Variants in MAN1A1 observed in about 807,000 individuals in gnomAD.
MAN1A1 encodes mannosyl-oligosaccharide 1,2-alpha-mannosidase IA.
A neutral mutation model predicts 70.8 loss-of-function variants in MAN1A1; 29 were observed. The ratio of observed to expected loss-of-function variants is 0.41; its 90% CI spans 0.31 to 0.56. The LOEUF (loss-of-function observed/expected upper bound fraction) is 0.56. Among genes scored for constraint, MAN1A1 ranks in the 20% least tolerant of loss-of-function variants. MAN1A1 has a pLI of 0.29. For synonymous variants in MAN1A1, 349 were observed against 330.1 expected, an observed-to-expected ratio of 1.06 and a Z score of -0.62; for missense variants, 747 against 841.3, an observed-to-expected ratio of 0.89 and a Z score of 1.39.
intron 6 of MAN1A1, among the ~76,000 whole-genome samples, chr6:119,237,291 A>G (rs1774872071): frequency 6.6e-6 from 1 of 152,202 alleles, no homozygotes; most frequent in Admixed American, 6.5e-5. Flanking sequence ...AAAATGCCAT[A>G]AAAGAGTATC....
chr6:119,230,895 C>T (rs1453383811), intron 6 of MAN1A1, among the ~76,000 whole-genome samples: 2 of 152,132 alleles, frequency 1.3e-5, no homozygotes, highest in Non-Finnish European at 2.9e-5. Flanking sequence ...ATAGCTTATA[C>T]TGGCAATGGG....
intron 5 of MAN1A1, among the ~76,000 whole-genome samples, chr6:119,270,082 T>C (rs1021389597): frequency 1.3e-5 from 2 of 152,226 alleles, no homozygotes; most frequent in African/African-American, 2.4e-5. Flanking sequence ...CCTGAGTCCT[T>C]TGACCTTACT....
chr6:119,187,020 G>A (rs144259182), intron 11 of MAN1A1, among the ~76,000 whole-genome samples: 1 of 152,244 alleles, frequency 6.6e-6, no homozygotes, highest in Non-Finnish European at 1.5e-5. Flanking sequence ...CCAACCTTAT[G>A]ATCTCATAAA....
At chr6:119,271,730 C>T (rs929217880) in intron 5 of MAN1A1, among the ~76,000 whole-genome samples, 3 of 152,108 alleles carry the variant, frequency 2.0e-5, no homozygotes, top group Admixed American at 2.0e-4. Flanking sequence ...TTTCCAACTC[C>T]TGACCTCAGG....
At chr6:119,275,466 C>A (rs919304959) in intron 5 of MAN1A1, among the ~76,000 whole-genome samples, 11 of 147,610 alleles carry the variant, frequency 7.5e-5, no homozygotes, top group Non-Finnish European at 1.5e-4. Flanking sequence ...GCCACTACGC[C>A]CGGCTAATTT....
At chr6:119,282,933 T>C (rs1353452677) in intron 5 of MAN1A1, among the ~76,000 whole-genome samples, 3 of 152,198 alleles carry the variant, frequency 2.0e-5, no homozygotes, top group Non-Finnish European at 2.9e-5. Context: ...TAATTTCTTC[T>C]TAGGTTTATA....
At chr6:119,348,356 A>G (rs1177551222) in intron 2 of MAN1A1, 107 bp downstream of exon 2, 8 of 1,142,210 alleles carry the variant, frequency 7.0e-6, no homozygotes, top group Non-Finnish European at 9.7e-6. Context: ...GCAAACCTCC[A>G]TCTCCCCATA....
chr6:119,249,336 G>A (rs1305444958), intron 5 of MAN1A1, among the ~76,000 whole-genome samples: 3 of 152,182 alleles, frequency 2.0e-5, no homozygotes, highest in Non-Finnish European at 2.9e-5. Context: ...AATAATGAAA[G>A]TCTAGTGTGC....
rs180678127 is a variant in MAN1A1 at position 119,264,878 on chromosome 6, C to A, written c.898-16524G>T. On this transcript the variant is annotated intron_variant, in intron 5 of 12. Coordinates refer to ENST00000368468, the MANE Select transcript of MAN1A1 (RefSeq NM_005907.4). The stretch of plus-strand genomic sequence containing the variant: ...TTGTGGTAGTTTATGGGTAAAATAC[C>A]CTGTTTTAGCATAGGACTGGTGATA... Among the ~76,000 whole-genome samples, 7 of 151,998 alleles carry A rather than the reference C, an allele frequency of 4.6e-5. No individual in the cohort carries two copies. In the East Asian group the frequency reaches 1.2e-3, roughly 25 times the overall value.
At chr6:119,278,800 A>G (rs1776149256) in intron 5 of MAN1A1, among the ~76,000 whole-genome samples, 1 of 151,954 alleles carries the variant, frequency 6.6e-6, no homozygotes, top group Non-Finnish European at 1.5e-5. Context: ...GGTTGTTTAG[A>G]GTATGGCACC....
intron 2 of MAN1A1, among the ~76,000 whole-genome samples, chr6:119,309,505 A>G (rs996701297): frequency 1.3e-5 from 2 of 152,182 alleles, no homozygotes; most frequent in African/African-American, 4.8e-5. Flanking sequence ...AACTACTAAC[A>G]AGGACAGAAT....
chr6:119,239,080 C>T (rs542441588), intron 6 of MAN1A1, among the ~76,000 whole-genome samples: 2 of 151,906 alleles, frequency 1.3e-5, no homozygotes, highest in African/African-American at 2.4e-5. Context: ...TTAGTAGAGA[C>T]GGGGTTTCAC....
upstream of MAN1A1, chr6:119,349,780 G>A (rs1773854182): frequency 5.1e-6 from 5 of 983,464 alleles, no homozygotes; most frequent in South Asian, 9.4e-5. Context: ...TGCCGGTCTT[G>A]GGGCGGTGGA....
At chr6:119,217,489 C>G (rs1774240413) in intron 6 of MAN1A1, among the ~76,000 whole-genome samples, 1 of 152,172 alleles carries the variant, frequency 6.6e-6, no homozygotes, top group African/African-American at 2.4e-5. Flanking sequence ...ACCATGTTGG[C>G]CAGGATGGTC....
At chr6:119,188,262 GAA>G (rs1373520017) in intron 11 of MAN1A1, 141 bp downstream of exon 11, 1 of 668,856 alleles carries the variant, frequency 1.5e-6, no homozygotes, top group Admixed American at 3.2e-5. Flanking sequence ...TGACTTCAAT[GAA>G]AATACACAGT....
At chr6:119,180,004 A>G in intron 12 of MAN1A1, 59 bp from the exon 13 acceptor site, 1 of 1,561,068 alleles carries the variant, frequency 6.4e-7, no homozygotes, top group Non-Finnish European at 8.8e-7. Context: ...GTGAAACCAC[A>G]AACACACAGC....
intron 11 of MAN1A1, among the ~76,000 whole-genome samples, chr6:119,184,707 CA>C (rs144225509): frequency 5.4e-5 from 8 of 149,130 alleles, no homozygotes; most frequent in South Asian, 4.3e-4. Context: ...CTGAAACTAC[CA>C]AAAAAAAACC....
chr6:119,230,422 C>T (rs1210637495), intron 6 of MAN1A1, among the ~76,000 whole-genome samples: 4 of 152,222 alleles, frequency 2.6e-5, no homozygotes, highest in Non-Finnish European at 4.4e-5. Context: ...CTGCTGCTCT[C>T]TGCCCCAGGG....
intron 5 of MAN1A1, among the ~76,000 whole-genome samples, chr6:119,257,257 T>TGA (rs146786469): frequency 2.0e-5 from 3 of 152,042 alleles, no homozygotes; most frequent in Admixed American, 1.3e-4. Context: ...TAGAAAATGG[T>TGA]GAGAGAGAGA....
Sources: gnomAD v4.1 joint callset for allele counts (sites outside exome capture counted in the v4.1 genomes callset) on GRCh38, gnomAD v4.1.1 for gene constraint, MANE v1.5 for transcripts, NCBI Gene and HGNC (gene_info 2026-07-23, HGNC 2026-07-21) for gene names.